ZBBX: variants seen among roughly 807,000 people sequenced by gnomAD.
The protein encoded by ZBBX is zinc finger B-box domain containing, also known as zinc finger B-box domain-containing protein 1.
In ZBBX, 101 loss-of-function variants were observed where a neutral mutation model predicts 108.5. That is an observed-to-expected ratio of 0.93 (90% CI 0.79 to 1.10). The LOEUF (loss-of-function observed/expected upper bound fraction) is 1.10, where lower values mean the gene tolerates loss of function less well. Among genes scored for constraint, ZBBX ranks in the 50% least tolerant of loss-of-function variants. ZBBX has a pLI of 0.00. For synonymous variants in ZBBX, 356 were observed against 323.4 expected, an observed-to-expected ratio of 1.10 and a Z score of -1.08; for missense variants, 1,009 against 941.4, an observed-to-expected ratio of 1.07 and a Z score of -0.94.
intron 9 of ZBBX, among the ~76,000 whole-genome samples, chr3:167,345,023 C>A (rs1379974389): frequency 1.3e-5 from 2 of 151,764 alleles, no homozygotes; most frequent in Admixed American, 6.6e-5. Flanking sequence ...CTTAACATAC[C>A]ATAAATCCTT....
At chr3:167,183,154 C>T in the ZBBX span, among the ~76,000 whole-genome samples, 2 of 152,198 alleles carry the variant, frequency 1.3e-5, no homozygotes, top group Admixed American at 6.5e-5. Context: ...TTAGCTTTAG[C>T]TGGCAAACAA....
the ZBBX span, among the ~76,000 whole-genome samples, chr3:167,198,074 C>G: frequency 6.6e-6 from 1 of 152,112 alleles, no homozygotes; most frequent in Non-Finnish European, 1.5e-5. Flanking sequence ...TTTGTAGGAT[C>G]TCTTTTAGAA....
chr3:167,271,195 T>C (rs1167017021), intron 20 of ZBBX, among the ~76,000 whole-genome samples: 1 of 132,648 alleles, frequency 7.5e-6, no homozygotes. Flanking sequence ...TTGGAAAAAT[T>C]TGGACTAAAC....
chr3:167,315,774 A>G lies in ZBBX; in HGVS notation c.1250T>C (p.Leu417Ser). The change falls in exon 15 of 22, where the codon TTA becomes TCA. Residue 417 changes from leucine (L) to serine (S), a missense_variant. Coordinates refer to ENST00000675490, the MANE Select transcript of ZBBX (RefSeq NM_001199201.2). ...AENIVPYKVKLADADSQRSCA... is the reference protein window; with the variant it reads ...AENIVPYKVKSADADSQRSCA... The stretch of plus-strand genomic sequence containing the variant: ...CCTTCGTTGACTGTCTGCATCAGCT[A>G]ATTTAACTTTGTAAGGCACAATATT... The G allele has an allele frequency of 6.2e-7, 1 of 1,608,122 alleles. No individual in the cohort carries two copies. The highest frequency in any genetic ancestry group is 8.5e-7 in the Non-Finnish European group (1 of 1,176,600).
intron 20 of ZBBX, among the ~76,000 whole-genome samples, chr3:167,253,303 G>T (rs1722933991): frequency 6.6e-6 from 1 of 152,046 alleles, no homozygotes. Context: ...AAAAGAACAG[G>T]CTAGTCTCAC....
At chr3:167,385,531 AACTTT>A (rs1449533611) in intron 1 of ZBBX, among the ~76,000 whole-genome samples, 1 of 152,032 alleles carries the variant, frequency 6.6e-6, no homozygotes, top group East Asian at 1.9e-4. Flanking sequence ...ACCTTCCTGT[AACTTT>A]ACTTTATAAA....
chr3:167,275,329 G>C (rs951754475), intron 20 of ZBBX, among the ~76,000 whole-genome samples: 4 of 152,182 alleles, frequency 2.6e-5, no homozygotes, highest in Non-Finnish European at 5.9e-5. Flanking sequence ...CGTGAGCGAC[G>C]CAGAAGACGG....
intron 20 of ZBBX, among the ~76,000 whole-genome samples, chr3:167,275,296 C>T (rs1291276166): frequency 6.6e-6 from 1 of 152,162 alleles, no homozygotes; most frequent in Non-Finnish European, 1.5e-5. Context: ...CGAATAGGAA[C>T]AGCTCCGGTC....
At chr3:167,258,743 G>T (rs188856083) in intron 20 of ZBBX, among the ~76,000 whole-genome samples, 1 of 152,114 alleles carries the variant, frequency 6.6e-6, no homozygotes, top group Admixed American at 6.5e-5. Flanking sequence ...GGTGATTTTT[G>T]TTTTAATTCT....
intron 19 of ZBBX, among the ~76,000 whole-genome samples, chr3:167,284,206 A>ATATATATATATATATAT (rs1560071526): frequency 6.7e-6 from 1 of 150,256 alleles, no homozygotes; most frequent in African/African-American, 2.4e-5. Flanking sequence ...ATATATATAT[A>ATATATATATATATATAT]ATTATCCCTG....
chr3:167,326,945 A>T (rs964920205), intron 11 of ZBBX, among the ~76,000 whole-genome samples: 2 of 152,056 alleles, frequency 1.3e-5, no homozygotes, highest in African/African-American at 4.8e-5. Flanking sequence ...AGTAAGATAC[A>T]TGATTGAAAT....
rs188926514 is a variant in ZBBX, at chr3:167,265,510, A to G, written c.2254+16728T>C. On this transcript the variant is annotated intron_variant, in intron 20 of 21. Coordinates refer to ENST00000675490, the MANE Select transcript of ZBBX (RefSeq NM_001199201.2). ...TCTCTTTCATTATGCAGAAGGAAGG[A>G]GTCACTTTTGTTGCTATGAGCTGCA... is the stretch of plus-strand genomic sequence containing the variant. Among the ~76,000 whole-genome samples, 409 of 152,228 alleles carry G rather than the reference A, an allele frequency of 2.7e-3. 1 individual carries two copies. Among genetic ancestry groups the G allele is most frequent in the Non-Finnish European group, 3.4e-3 (233 of 68,014 alleles).
Position 167,360,744 on chromosome 3 carries a change from C to G in ZBBX, c.274-21G>C, listed in dbSNP as rs376333667. On this transcript the variant is annotated intron_variant, in intron 6 of 21. Coordinates refer to ENST00000675490, the MANE Select transcript of ZBBX (RefSeq NM_001199201.2). The stretch of plus-strand genomic sequence containing the variant: ...GAAAACTGTATTAATAAAATAGATA[C>G]TATTTGTCAGGTATATATTATCTTA... 23 of 1,364,196 alleles carry G rather than the reference C, an allele frequency of 1.7e-5. No individual in the cohort carries two copies. The African/African-American group carries it at 3.2e-4, about 19-fold the overall frequency. 84.5% of individuals were successfully genotyped at this position (1,364,196 alleles called of 1,614,324 possible). A position where few individuals can be genotyped will look rare whatever the true frequency, so the allele number is the denominator to read the frequency against.
At chr3:167,222,767 T>A in the ZBBX span, among the ~76,000 whole-genome samples, 1 of 151,974 alleles carries the variant, frequency 6.6e-6, no homozygotes, top group South Asian at 2.1e-4. Context: ...AGAAAAGGAA[T>A]GATAGACACC....
downstream of ZBBX, among the ~76,000 whole-genome samples, chr3:167,238,275 G>C (rs1720312763): frequency 1.3e-5 from 2 of 152,160 alleles, no homozygotes; most frequent in South Asian, 4.1e-4. Flanking sequence ...ACTCACTGTT[G>C]TCTGTCTATG....
chr3:167,304,250 T>G (rs939657577), intron 17 of ZBBX, among the ~76,000 whole-genome samples: 1 of 152,224 alleles, frequency 6.6e-6, no homozygotes, highest in Non-Finnish European at 1.5e-5. Flanking sequence ...GACAAAGGTC[T>G]GGCAGGCTTA....
chr3:167,274,765 AT>A (rs1456971413), intron 20 of ZBBX, among the ~76,000 whole-genome samples: 1 of 152,046 alleles, frequency 6.6e-6, no homozygotes, highest in African/African-American at 2.4e-5. Flanking sequence ...TCCTTTCCAT[AT>A]TTAGAAAAAT....
intron 20 of ZBBX, among the ~76,000 whole-genome samples, chr3:167,244,057 T>A (rs2108318431): frequency 6.6e-6 from 1 of 152,226 alleles, no homozygotes; most frequent in Middle Eastern, 3.4e-3. Flanking sequence ...ATTTTTTAGT[T>A]AAAATTTTTT....
chr3:167,198,172 C>T, the ZBBX span, among the ~76,000 whole-genome samples: 2 of 151,524 alleles, frequency 1.3e-5, no homozygotes, highest in African/African-American at 4.9e-5. Flanking sequence ...CCAAGCATCT[C>T]GGTTACTTGA....
Sources: gnomAD v4.1 joint callset for allele counts (sites outside exome capture counted in the v4.1 genomes callset) on GRCh38, gnomAD v4.1.1 for gene constraint, MANE v1.5 for transcripts, NCBI Gene and HGNC (gene_info 2026-07-23, HGNC 2026-07-21) for gene names.